The following TMEM117 variants were observed in gnomAD, a reference collection of about 807,000 sequenced individuals.
The protein encoded by TMEM117 is transmembrane protein 117.
Under a neutral mutation model 52.4 loss-of-function variants are expected in TMEM117, and 27 were observed. The observed-to-expected ratio is 0.51, with a 90% CI of 0.38 to 0.71. The LOEUF (loss-of-function observed/expected upper bound fraction) is 0.71, where lower values mean the gene tolerates loss of function less well. Ranked by LOEUF, TMEM117 falls within the 30% of genes least tolerant of loss-of-function variation. The pLI, the probability that TMEM117 is intolerant of heterozygous loss-of-function variation, is 0.00. For missense variants in TMEM117, 556 were observed against 630.5 expected, an observed-to-expected ratio of 0.88 and a Z score of 1.26; for synonymous variants, 215 against 206.3, an observed-to-expected ratio of 1.04 and a Z score of -0.36.
intron 3 of TMEM117, among the ~76,000 whole-genome samples, chr12:44,072,215 C>G (rs1000247790): frequency 2.1e-4 from 30 of 144,740 alleles, no homozygotes; most frequent in Admixed American, 1.5e-3. Context: ...AGAGAAACAA[C>G]AAAAAAAAAA....
intron 6 of TMEM117, among the ~76,000 whole-genome samples, chr12:44,314,395 A>G (rs182407195): frequency 1.3e-5 from 2 of 152,202 alleles, no homozygotes; most frequent in East Asian, 3.9e-4. Flanking sequence ...GGTGAATCAC[A>G]TTTATTTAGT....
intron 6 of TMEM117, among the ~76,000 whole-genome samples, chr12:44,352,887 G>A (rs1314472660): frequency 2.0e-5 from 3 of 152,084 alleles, no homozygotes; most frequent in Non-Finnish European, 4.4e-5. Flanking sequence ...TTCCACAATG[G>A]TTGAACTAGT....
intron 5 of TMEM117, among the ~76,000 whole-genome samples, chr12:44,274,355 A>G (rs1950486172): frequency 6.6e-6 from 1 of 152,182 alleles, no homozygotes; most frequent in East Asian, 1.9e-4. Flanking sequence ...AGAAGGATCA[A>G]TATTGTTTAA....
chr12:43,815,192 T>A, the TMEM117 span, among the ~76,000 whole-genome samples: 1 of 152,256 alleles, frequency 6.6e-6, no homozygotes, highest in Admixed American at 6.5e-5. Context: ...GACAAGTATA[T>A]TCAGTGGCTA....
intron 3 of TMEM117, among the ~76,000 whole-genome samples, chr12:43,953,830 C>T (rs183967253): frequency 6.6e-6 from 1 of 152,162 alleles, no homozygotes. Context: ...AACTCTCCCC[C>T]CCAAAACAAC....
At chr12:44,097,825 A>C (rs150272754) in intron 3 of TMEM117, among the ~76,000 whole-genome samples, 14 of 150,450 alleles carry the variant, frequency 9.3e-5, no homozygotes, top group Non-Finnish European at 1.2e-4. Flanking sequence ...AAACCTGCAC[A>C]TTGTGCACAT....
intron 3 of TMEM117, among the ~76,000 whole-genome samples, chr12:44,007,791 G>A (rs183685731): frequency 8.0e-4 from 122 of 152,292 alleles, no homozygotes; most frequent in Non-Finnish European, 1.5e-3. Context: ...GTTTTGTAAA[G>A]AGGAGTTCCC....
chr12:44,206,161 G>GATTAGCTTT (rs1949563397), intron 4 of TMEM117, among the ~76,000 whole-genome samples: 2 of 152,144 alleles, frequency 1.3e-5, no homozygotes, highest in South Asian at 4.2e-4. Flanking sequence ...TGTGCACAAC[G>GATTAGCTTT]TTAGATTAGC....
At chr12:44,131,550 C>G (rs1948414168) in intron 3 of TMEM117, among the ~76,000 whole-genome samples, 1 of 151,986 alleles carries the variant, frequency 6.6e-6, no homozygotes, top group African/African-American at 2.4e-5. Context: ...TAGTTTTTGT[C>G]TGCTTGTTCC....
chr12:44,378,603 A>G (rs1383270979), intron 7 of TMEM117, among the ~76,000 whole-genome samples: 1 of 152,172 alleles, frequency 6.6e-6, no homozygotes, highest in Non-Finnish European at 1.5e-5. Context: ...CTGAAAACCT[A>G]AAAGGATGAA....
At chr12:43,876,855 AT>A (rs1334270199) in intron 2 of TMEM117, among the ~76,000 whole-genome samples, 1 of 152,202 alleles carries the variant, frequency 6.6e-6, no homozygotes, top group African/African-American at 2.4e-5. Flanking sequence ...TATTACTAGT[AT>A]TTTGTCATAT....
chr12:44,258,008 A>T (rs1329695690), intron 5 of TMEM117, among the ~76,000 whole-genome samples: 4 of 152,084 alleles, frequency 2.6e-5, no homozygotes, highest in African/African-American at 9.7e-5. Context: ...CCTGGAGATT[A>T]TTAATATTTA....
chr12:43,932,028 A>G (rs1219700248), intron 2 of TMEM117, among the ~76,000 whole-genome samples: 1 of 152,140 alleles, frequency 6.6e-6, no homozygotes, highest in Admixed American at 6.6e-5. Flanking sequence ...TCTTGCCTCT[A>G]GCCCTTTTGA....
chr12:43,976,822 A>G (rs1392655763), intron 3 of TMEM117, among the ~76,000 whole-genome samples: 1 of 152,188 alleles, frequency 6.6e-6, no homozygotes, highest in Non-Finnish European at 1.5e-5. Flanking sequence ...CAGGTTTGTC[A>G]GGTGCCACGG....
chr12:43,889,753 A>G (rs1045162263), intron 2 of TMEM117, among the ~76,000 whole-genome samples: 2 of 152,218 alleles, frequency 1.3e-5, no homozygotes, highest in East Asian at 1.9e-4. Context: ...AGCAAGACAT[A>G]GATTTTGTTT....
chr12:44,048,398 T>C (rs780009591), intron 3 of TMEM117, among the ~76,000 whole-genome samples: 17 of 152,180 alleles, frequency 1.1e-4, no homozygotes, highest in Non-Finnish European at 2.1e-4. Context: ...TTATTTGCAT[T>C]TGTTTTACTG....
chr12:44,258,592 T>G (rs1448237833), intron 5 of TMEM117, among the ~76,000 whole-genome samples: 1 of 152,116 alleles, frequency 6.6e-6, no homozygotes, highest in Non-Finnish European at 1.5e-5. Flanking sequence ...AATCTATATT[T>G]ATTCAAACTC....
intron 2 of TMEM117, among the ~76,000 whole-genome samples, chr12:43,887,536 G>A (rs977422976): frequency 6.6e-6 from 1 of 152,196 alleles, no homozygotes; most frequent in Admixed American, 6.5e-5. Flanking sequence ...AGTCTACTTA[G>A]GGTTTAGTCT....
At chr12:43,954,646 G>A (rs982186971) in intron 3 of TMEM117, among the ~76,000 whole-genome samples, 2 of 152,060 alleles carry the variant, frequency 1.3e-5, no homozygotes, top group Non-Finnish European at 2.9e-5. Context: ...GAAATTGAGG[G>A]AGTAATAAAT....
Sources: allele counts gnomAD v4.1 joint callset (sites outside exome capture counted in the v4.1 genomes callset), GRCh38; gene constraint gnomAD v4.1.1; transcripts MANE v1.5; gene names NCBI Gene and HGNC (gene_info 2026-07-23, HGNC 2026-07-21).